Variants in PPP1R14C observed in about 807,000 individuals in gnomAD.
PPP1R14C encodes protein phosphatase 1 regulatory subunit 14C.
A neutral mutation model predicts 20.4 loss-of-function variants in PPP1R14C; 16 were observed. The ratio of observed to expected loss-of-function variants is 0.78; its 90% confidence interval spans 0.53 to 1.19. PPP1R14C has a LOEUF of 1.19. PPP1R14C is among the 50% of genes most tolerant of loss of function. PPP1R14C has a pLI of 0.00. For synonymous variants in PPP1R14C, 91 were observed against 91.0 expected, an observed-to-expected ratio of 1.00 and a Z score of 0.00; for missense variants, 211 against 220.1, an observed-to-expected ratio of 0.96 and a Z score of 0.26.
intron 1 of PPP1R14C, among the ~76,000 whole-genome samples, chr6:150,146,761 G>C (rs933984918): frequency 2.6e-5 from 4 of 152,110 alleles, no homozygotes; most frequent in Admixed American, 2.6e-4. Context: ...GGGAATTCTG[G>C]GGACCCGGAT....
chr6:150,244,166 G>A (rs1337031283), intron 3 of PPP1R14C, among the ~76,000 whole-genome samples: 4 of 103,302 alleles, frequency 3.9e-5, no homozygotes, highest in African/African-American at 2.3e-4. Flanking sequence ...TAATAAAGCT[G>A]CTAAAAAAAA....
rs1026759440 is a variant in PPP1R14C at position 150,250,235 on chromosome 6, A to T, written c.*1415A>T. 5 of 152,544 alleles carry T rather than the reference A, an allele frequency of 3.3e-5. No individual in the cohort carries two copies. Among genetic ancestry groups the T allele is most frequent in the Non-Finnish European group, 5.9e-5 (4 of 68,020 alleles). 9.4% of individuals were successfully genotyped at this position (152,544 alleles called of 1,614,324 possible). A position where few individuals can be genotyped will look rare whatever the true frequency, so the allele number is the denominator to read the frequency against. ...GTGCTCTGAACATATTTTATTTTTT[A>T]AAAAAACTATGTTTGTGAATTTTGC... On this transcript the variant is annotated 3_prime_UTR_variant, in exon 4 of 4. Transcript: ENST00000361131.
chr6:150,198,836 G>T (rs996108318), intron 1 of PPP1R14C, among the ~76,000 whole-genome samples: 1 of 152,158 alleles, frequency 6.6e-6, no homozygotes, highest in Non-Finnish European at 1.5e-5. Context: ...TGTCTTACCT[G>T]CCAAGTGGTA....
intron 3 of PPP1R14C, among the ~76,000 whole-genome samples, chr6:150,247,657 G>A (rs531042316): frequency 6.6e-6 from 1 of 152,148 alleles, no homozygotes; most frequent in Non-Finnish European, 1.5e-5. Context: ...AACATAAAGT[G>A]TGTTTTTGTT....
chr6:150,144,951 A>C (rs1007449336), intron 1 of PPP1R14C, among the ~76,000 whole-genome samples: 3 of 152,166 alleles, frequency 2.0e-5, no homozygotes, highest in African/African-American at 7.2e-5. Flanking sequence ...GGATGTGCTC[A>C]GTCCTGCCTC....
intron 3 of PPP1R14C, among the ~76,000 whole-genome samples, chr6:150,245,994 GTA>G (rs1778485590): frequency 6.6e-6 from 1 of 152,106 alleles, no homozygotes; most frequent in Non-Finnish European, 1.5e-5. Flanking sequence ...TAAAATGAGA[GTA>G]TTTCATTAAT....
chr6:150,170,190 G>A (rs1777480726), intron 1 of PPP1R14C, among the ~76,000 whole-genome samples: 1 of 152,170 alleles, frequency 6.6e-6, no homozygotes, highest in African/African-American at 2.4e-5. Flanking sequence ...AAGGGAAGTG[G>A]AATGGGAAAT....
chr6:150,171,935 A>G (rs1335887750), intron 1 of PPP1R14C, among the ~76,000 whole-genome samples: 1 of 151,908 alleles, frequency 6.6e-6, no homozygotes, highest in Non-Finnish European at 1.5e-5. Flanking sequence ...CCTCCTGAGT[A>G]GCTGGGATTA....
chr6:150,166,642 G>C (rs1465531842), intron 1 of PPP1R14C, among the ~76,000 whole-genome samples: 5 of 152,194 alleles, frequency 3.3e-5, no homozygotes, highest in Admixed American at 2.0e-4. Context: ...ATGTCTGGTG[G>C]CTGCAGTTTG....
At chr6:150,231,897 C>T (rs1252634619) in intron 3 of PPP1R14C, among the ~76,000 whole-genome samples, 1 of 152,176 alleles carries the variant, frequency 6.6e-6, no homozygotes, top group East Asian at 1.9e-4. Context: ...TGTTGATACT[C>T]AGGCTGTATT....
chr6:150,144,744 T>C (rs1777163202), intron 1 of PPP1R14C, among the ~76,000 whole-genome samples: 1 of 152,226 alleles, frequency 6.6e-6, no homozygotes, highest in African/African-American at 2.4e-5. Context: ...GATTATAATA[T>C]AATGAAGCTT....
chr6:150,212,392 C>T (rs967688484), intron 1 of PPP1R14C, among the ~76,000 whole-genome samples: 12 of 152,148 alleles, frequency 7.9e-5, no homozygotes, highest in African/African-American at 1.9e-4. Context: ...AACAGAGAGC[C>T]GTGCACAGTC....
At chr6:150,211,763 T>C (rs1778026801) in intron 1 of PPP1R14C, among the ~76,000 whole-genome samples, 1 of 152,200 alleles carries the variant, frequency 6.6e-6, no homozygotes, top group Non-Finnish European at 1.5e-5. Flanking sequence ...CTCACCTGGG[T>C]TTTGTTTCAG....
At chr6:150,164,377 C>G (rs1467983918) in intron 1 of PPP1R14C, among the ~76,000 whole-genome samples, 1 of 152,164 alleles carries the variant, frequency 6.6e-6, no homozygotes, top group African/African-American at 2.4e-5. Flanking sequence ...AGTTCTTAAT[C>G]TTAATATTTT....
Position 150,153,051 on chromosome 6 carries a change from G to A in PPP1R14C, c.306+9553G>A, listed in dbSNP as rs11753637. On this transcript the variant is annotated intron_variant, in intron 1 of 3. Transcript: ENST00000361131. ...AGCGTGAAAGCACAGCAAGAAGATG[G>A]AAGACGGCCACCTGTAGACCAGGAG... is the stretch of plus-strand genomic sequence containing the variant. 8.4e-3 allele frequency among the ~76,000 whole-genome samples: 1,280 copies of A among 152,332 alleles called. 10 individuals carry two copies. Among genetic ancestry groups the A allele is most frequent in the Middle Eastern group, 0.02 (6 of 294 alleles).
intron 1 of PPP1R14C, chr6:150,196,172 T>G: frequency 1.0e-6 from 1 of 961,660 alleles, no homozygotes; most frequent in Non-Finnish European, 1.2e-6. Flanking sequence ...CTTCTAGCTG[T>G]ACTGCCTGGA....
chr6:150,191,110 C>T (rs1329318698), intron 1 of PPP1R14C, among the ~76,000 whole-genome samples: 2 of 152,196 alleles, frequency 1.3e-5, no homozygotes, highest in African/African-American at 2.4e-5. Flanking sequence ...CTGCAGCTTA[C>T]TGTTCCCTCT....
intron 1 of PPP1R14C, among the ~76,000 whole-genome samples, chr6:150,182,301 A>G (rs1028182546): frequency 2.6e-5 from 4 of 152,208 alleles, no homozygotes; most frequent in Admixed American, 1.3e-4. Context: ...TCAGGCTGCT[A>G]TAACAAAATA....
chr6:150,170,579 C>T (rs1301738257), intron 1 of PPP1R14C, among the ~76,000 whole-genome samples: 2 of 152,116 alleles, frequency 1.3e-5, no homozygotes, highest in African/African-American at 4.8e-5. Context: ...GCCTCGGCCT[C>T]CCAAAGTGCT....
Sources: gnomAD v4.1 joint callset for allele counts (sites outside exome capture counted in the v4.1 genomes callset) on GRCh38, gnomAD v4.1.1 for gene constraint, MANE v1.5 for transcripts, NCBI Gene and HGNC (gene_info 2026-07-23, HGNC 2026-07-21) for gene names.